Variants in SFI1 observed in about 807,000 individuals in gnomAD.
SFI1 encodes the protein protein SFI1 homolog.
Under a neutral mutation model 207.5 loss-of-function variants are expected in SFI1, and 195 were observed. That is an observed-to-expected ratio of 0.94 (90% CI 0.84 to 1.06). SFI1 has a LOEUF of 1.06. Ranked by LOEUF, SFI1 falls within the 50% of genes least tolerant of loss-of-function variation. The pLI, the probability that SFI1 is intolerant of heterozygous loss-of-function variation, is 0.00. For synonymous variants in SFI1, 630 were observed against 598.9 expected, an observed-to-expected ratio of 1.05 and a Z score of -0.76; for missense variants, 1,634 against 1,588.0, an observed-to-expected ratio of 1.03 and a Z score of -0.49.
chr22:31,611,276 G>A lies in SFI1; in HGVS notation c.2388G>A (p.Thr796=), dbSNP rs1407097628. 2.5e-6 allele frequency: 4 copies of A among 1,609,700 alleles called. No individual in the cohort carries two copies. In the South Asian group the frequency reaches 3.3e-5, roughly 13 times the overall value. Residue 796 remains threonine (T), a synonymous_variant, in exon 23 of 33, where the codon ACG becomes ACA. Coordinates refer to ENST00000400288, the MANE Select transcript of SFI1 (RefSeq NM_001007467.3). ...TGGAGGGGCTGGCCCGGTGGAAGACGCACCATCTGCAGTGTGTCAGGAAGA... is the reference window on the plus strand; with the variant it reads ...TGGAGGGGCTGGCCCGGTGGAAGACACACCATCTGCAGTGTGTCAGGAAGA... ...LLLEGLARWK[T]HHLQCVRKRL... is the part of the protein sequence containing the mutation.
intron 20 of SFI1, 145 bp downstream of exon 20, chr22:31,605,090 A>G (rs571361691): frequency 3.0e-6 from 2 of 669,908 alleles, no homozygotes; most frequent in Non-Finnish European, 4.9e-6. Flanking sequence ...TGGCTTTTCC[A>G]CTTCACTCAC....
intron 21 of SFI1, among the ~76,000 whole-genome samples, chr22:31,607,270 C>T (rs1374474664): frequency 6.6e-6 from 1 of 152,050 alleles, no homozygotes; most frequent in Non-Finnish European, 1.5e-5. Context: ...ATCACTCATA[C>T]AAAAGAATGT....
At chr22:31,592,384 GGGGCGGCTGGCC>G (rs2066119341) in intron 15 of SFI1, among the ~76,000 whole-genome samples, 5 of 81,310 alleles carry the variant, frequency 6.1e-5, no homozygotes, top group Non-Finnish European at 9.3e-5. Flanking sequence ...CCTCCCGGAC[GGGGCGGCTGGCC>G]GGGCAGGGGG....
intron 6 of SFI1, among the ~76,000 whole-genome samples, chr22:31,555,898 GT>G (rs1224404317): frequency 6.6e-6 from 1 of 152,116 alleles, no homozygotes; most frequent in Admixed American, 6.6e-5. Context: ...GAAATATATA[GT>G]TATAGTCCTG....
Position 31,568,212 on chromosome 22 carries a change from ATATATATATATATAT to A in SFI1, c.766-4844_766-4830del, listed in dbSNP as rs1569334167. ...GTGTGTGTTGTGTGTGTGTGTGTGTATATATATATATATATTTTTTTTTTTTTACCATAAATGCAT... is the reference window on the plus strand; with the variant it reads ...GTGTGTGTTGTGTGTGTGTGTGTGTATTTTTTTTTTTTACCATAAATGCAT... On this transcript the variant is annotated intron_variant, in intron 8 of 32. Transcript: ENST00000400288. Among the ~76,000 whole-genome samples the A allele has an allele frequency of 7.2e-4, 61 of 84,570 alleles. 1 individual carries two copies. Among genetic ancestry groups the A allele is most frequent in the Admixed American group, 1.7e-3 (14 of 8,208 alleles). 55.5% of individuals were successfully genotyped at this position (84,570 alleles called of 152,430 possible).
At chr22:31,502,633 TG>T (rs1601797394) in intron 1 of SFI1, among the ~76,000 whole-genome samples, 1 of 152,066 alleles carries the variant, frequency 6.6e-6, no homozygotes, top group East Asian at 1.9e-4. Context: ...CTCGGCCTCC[TG>T]AAGTCGTGGG....
intron 4 of SFI1, among the ~76,000 whole-genome samples, chr22:31,545,957 A>G (rs2060047948): frequency 6.9e-6 from 1 of 144,324 alleles, no homozygotes; most frequent in African/African-American, 2.6e-5. Context: ...CAGTGGTGCA[A>G]TCTCAGTTCA....
At chr22:31,496,834 G>T (rs1275209845) in intron 1 of SFI1, among the ~76,000 whole-genome samples, 197 bp downstream of exon 1, 1 of 152,210 alleles carries the variant, frequency 6.6e-6, no homozygotes. Flanking sequence ...CGACAAGAGG[G>T]CGCAGGACGG....
chr22:31,541,212 C>T (rs1307032874), intron 4 of SFI1, among the ~76,000 whole-genome samples: 1 of 152,040 alleles, frequency 6.6e-6, no homozygotes, highest in African/African-American at 2.4e-5. Context: ...TCTTGTCTCC[C>T]TTCTCCCCCT....
chr22:31,530,794 G>A (rs2058445096), intron 3 of SFI1: 1 of 483,154 alleles, frequency 2.1e-6, no homozygotes, highest in Admixed American at 3.5e-5. Flanking sequence ...TGTACTTCCT[G>A]TACCTCATTT....
In SFI1 at chr22:31,618,533, A is replaced by G. The variant is rs1406854600; in HGVS notation, c.*115A>G. Reference sequence around the variant, plus strand: ...TTTATTTCAAAATGCTTTGCAATTAAATGAATTACTGTTCAGAAGTCTCCC... The same window carrying G: ...TTTATTTCAAAATGCTTTGCAATTAGATGAATTACTGTTCAGAAGTCTCCC... On this transcript the variant is annotated 3_prime_UTR_variant, in exon 33 of 33. Coordinates refer to ENST00000400288, the MANE Select transcript of SFI1 (RefSeq NM_001007467.3). 1.9e-6 allele frequency: 2 copies of G among 1,080,336 alleles called. No homozygotes were observed. Among genetic ancestry groups the G allele is most frequent in the Admixed American group, 6.6e-5 (2 of 30,318 alleles). 66.9% of individuals were successfully genotyped at this position (1,080,336 alleles called of 1,614,324 possible). A position where few individuals can be genotyped will look rare whatever the true frequency, so the allele number is the denominator to read the frequency against.
intron 8 of SFI1, 23 bp from the exon 9 acceptor site, chr22:31,573,035 G>C: frequency 6.2e-7 from 1 of 1,609,916 alleles, no homozygotes; most frequent in Non-Finnish European, 8.5e-7. Context: ...TCCTTTGACT[G>C]TTGCCTCTTC....
chr22:31,550,338 C>T lies in SFI1; in HGVS notation c.534C>T (p.Ala178=), dbSNP rs569563335. The part of the protein sequence containing the change: ...QQEMRNKYIR[A]EVHDAKQKMR... ...AGATGAGGAACAAGTACATTAGAGCCGAGGTTCATGGTGAGAAAAAGAAGT... is the reference window on the plus strand; with the variant it reads ...AGATGAGGAACAAGTACATTAGAGCTGAGGTTCATGGTGAGAAAAAGAAGT... The change falls in exon 6 of 33, where the codon GCC becomes GCT. Residue 178 remains alanine (A), a synonymous_variant. Transcript: ENST00000400288. 7.9e-5 allele frequency: 127 copies of T among 1,613,812 alleles called. No homozygotes were observed. The highest frequency in any genetic ancestry group is 1.0e-4 in the Non-Finnish European group (118 of 1,179,806).
chr22:31,618,144 G>T lies in SFI1; in HGVS notation c.3542G>T (p.Arg1181Leu), dbSNP rs746162293. The part of the protein sequence containing the change: ...WSCRRQASSL[R>L]RWLELNREEP... ...TGTCGGCGGCAAGCGAGCAGCCTGC[G>T]CAGGTGGCTGGAGCTGAACAGAGAG... The change falls in exon 32 of 33, where the codon CGC becomes CTC. Residue 1181 changes from arginine to leucine, a missense_variant. Physicochemically the swap from Arg to Leu is moderately radical, Grantham distance 102. Transcript: ENST00000400288. 2.6e-5 allele frequency: 41 copies of T among 1,585,728 alleles called. No homozygotes were observed. Among genetic ancestry groups the T allele is most frequent in the Non-Finnish European group, 3.1e-5 (36 of 1,168,200 alleles).
intron 18 of SFI1, 95 bp downstream of exon 18, chr22:31,603,914 C>A: frequency 8.8e-7 from 1 of 1,139,304 alleles, no homozygotes; most frequent in Non-Finnish European, 1.2e-6. Flanking sequence ...GGCCACACCA[C>A]CTACCTCTGA....
rs747008023 is a variant in SFI1, at chr22:31,604,945, G to A, written c.2054G>A (p.Arg685His). The A allele has an allele frequency of 2.4e-5, 38 of 1,604,130 alleles. No homozygotes were observed. The highest frequency in any genetic ancestry group is 2.9e-5 in the Non-Finnish European group (34 of 1,175,368). ...RESQHNRQLL[R>H]GALRRWKENT... is the part of the protein sequence containing the mutation. The stretch of plus-strand genomic sequence containing the variant: ...AGCCAGCACAACAGGCAGCTGCTGC[G>A]GTGAGTCTCCCGGGCGCCTCCCAAG... The change falls in exon 20 of 33, where the codon CGC becomes CAC. Residue 685 changes from arginine to histidine, a missense_variant and splice_region_variant. Transcript: ENST00000400288.
chr22:31,522,493 A>G (rs2057398552), intron 2 of SFI1, among the ~76,000 whole-genome samples: 1 of 152,100 alleles, frequency 6.6e-6, no homozygotes, highest in Non-Finnish European at 1.5e-5. Flanking sequence ...GTATCTCCTC[A>G]TTCCTCCTAC....
At chr22:31,589,399 T>TAAA (rs772397910) in intron 14 of SFI1, 48 bp from the exon 15 acceptor site, 10 of 1,099,906 alleles carry the variant, frequency 9.1e-6, no homozygotes, top group East Asian at 6.5e-5. Context: ...AGGTCATGTT[T>TAAA]AAAAAAAAAA....
rs749901563 is a variant in SFI1 at position 31,606,359 on chromosome 22, A to G, written c.2086A>G (p.Met696Val). The change falls in exon 21 of 33, where the codon ATG (methionine) becomes GTG (valine). Residue 696 changes from methionine (M) to valine (V), a missense_variant. Transcript: ENST00000400288. ...GALRRWKENT[M>V]ARVDEAKKTF... is the part of the protein sequence containing the mutation. ...ATTACGTCGCTGGAAAGAGAACACC[A>G]TGGCCCGAGTGGATGAAGCCAAAAA... The G allele has an allele frequency of 6.2e-6, 10 of 1,613,798 alleles. No individual in the cohort carries two copies. Among genetic ancestry groups the G allele is most frequent in the African/African-American group, 4.0e-5 (3 of 74,920 alleles).
Sources: gnomAD v4.1 joint callset for allele counts (sites outside exome capture counted in the v4.1 genomes callset) on GRCh38, gnomAD v4.1.1 for gene constraint, MANE v1.5 for transcripts, NCBI Gene and HGNC (gene_info 2026-07-23, HGNC 2026-07-21) for gene names.